C2orf49: variants seen among roughly 807,000 people sequenced by gnomAD.
C2orf49 encodes the protein tRNA-splicing ligase complex subunit ASW.
A neutral mutation model predicts 20.6 loss-of-function variants in C2orf49; 11 were observed. That is an observed-to-expected ratio of 0.53 (90% CI 0.34 to 0.88). The LOEUF is 0.88. Among genes scored for constraint, C2orf49 ranks in the 40% least tolerant of loss-of-function variants. C2orf49 has a pLI of 0.02. For missense variants in C2orf49, 289 were observed against 274.2 expected, an observed-to-expected ratio of 1.05 and a Z score of -0.38; for synonymous variants, 134 against 108.5, an observed-to-expected ratio of 1.24 and a Z score of -1.46.
intron 2 of C2orf49, among the ~76,000 whole-genome samples, chr2:105,340,294 A>C (rs947128593): frequency 1.3e-5 from 2 of 152,224 alleles, no homozygotes; most frequent in Non-Finnish European, 2.9e-5. Context: ...AGAAGGTTTT[A>C]AGCAGAGTGG....
the C2orf49 span, among the ~76,000 whole-genome samples, chr2:105,370,698 A>C: frequency 4.5e-3 from 688 of 152,286 alleles, 7 homozygotes; most frequent in African/African-American, 0.016. Context: ...ACTTTTAAAA[A>C]TCAAACCCAG....
At chr2:105,343,308 G>A (rs1679723396) in intron 3 of C2orf49, 85 bp downstream of exon 3, 1 of 1,365,790 alleles carries the variant, frequency 7.3e-7, no homozygotes, top group Non-Finnish European at 9.9e-7. Context: ...TGGGTCGACT[G>A]TGCTACATTC....
At chr2:105,384,996 C>T in the C2orf49 span, among the ~76,000 whole-genome samples, 5 of 152,322 alleles carry the variant, frequency 3.3e-5, no homozygotes, top group South Asian at 1.0e-3. Context: ...GTGAGACACG[C>T]AGCAGGCAAG....
At chr2:105,372,208 A>T in the C2orf49 span, among the ~76,000 whole-genome samples, 3 of 146,338 alleles carry the variant, frequency 2.1e-5, no homozygotes, top group Admixed American at 1.4e-4. Context: ...TTAAAAAATG[A>T]TTATTCCTTA....
chr2:105,375,890 G>A, the C2orf49 span: 2 of 152,226 alleles, frequency 1.3e-5, no homozygotes, highest in Non-Finnish European at 2.9e-5. Context: ...TCAGAAATCT[G>A]AGGGGAACAT....
the C2orf49 span, chr2:105,363,370 T>A: frequency 6.2e-7 from 1 of 1,614,148 alleles, no homozygotes; most frequent in Non-Finnish European, 8.5e-7. Flanking sequence ...CATCGCGAGC[T>A]GTGAAGCGCT....
the C2orf49 span, among the ~76,000 whole-genome samples, chr2:105,369,884 C>T: frequency 2.2e-4 from 33 of 152,166 alleles, no homozygotes; most frequent in African/African-American, 8.0e-4. Context: ...ATGCACAGGG[C>T]ACCTGGAGCC....
At chr2:105,338,247 A>G (rs1040979833) in intron 1 of C2orf49, among the ~76,000 whole-genome samples, 5 of 152,190 alleles carry the variant, frequency 3.3e-5, no homozygotes, top group Admixed American at 2.0e-4. Context: ...GAGAAAAGTG[A>G]GAAAGGAAAA....
the C2orf49 span, among the ~76,000 whole-genome samples, chr2:105,380,069 A>ATT: frequency 6.6e-6 from 1 of 152,236 alleles, no homozygotes; most frequent in South Asian, 2.1e-4. Flanking sequence ...GCTTCTTAAG[A>ATT]AAGTTCACAA....
At chr2:105,356,221 T>C in the C2orf49 span, among the ~76,000 whole-genome samples, 1 of 152,202 alleles carries the variant, frequency 6.6e-6, no homozygotes, top group Non-Finnish European at 1.5e-5. Context: ...TGAAACCCTG[T>C]CTCTACTAGA....
the C2orf49 span, chr2:105,374,068 G>A: frequency 2.1e-5 from 7 of 334,282 alleles, no homozygotes; most frequent in Admixed American, 1.3e-4. Flanking sequence ...CTATCAATTC[G>A]TCTCACACCA....
At position 105,337,687 on chromosome 2, in the gene C2orf49, G is replaced by A; in HGVS notation, c.99+1G>A. ...GTTCCTTCTCCTCACTCTGGAGCAG[G>A]TTGGGCGCGCCGGATCGGAGGGTGG... On this transcript the variant is annotated splice_donor_variant, in intron 1 of 3. Coordinates refer to ENST00000258457, the MANE Select transcript of C2orf49 (RefSeq NM_024093.3). LOFTEE classifies it high-confidence loss of function. 6.6e-7 allele frequency: 1 copy of A among 1,506,616 alleles called. No homozygotes were observed. Among genetic ancestry groups the A allele is most frequent in the Non-Finnish European group, 9.0e-7 (1 of 1,113,252 alleles). 93.3% of individuals were successfully genotyped at this position (1,506,616 alleles called of 1,614,324 possible). A position where few individuals can be genotyped will look rare whatever the true frequency, so the allele number is the denominator to read the frequency against.
the C2orf49 span, chr2:105,360,174 GC>G: frequency 6.6e-6 from 1 of 151,946 alleles, no homozygotes; most frequent in African/African-American, 2.4e-5. Flanking sequence ...AATGGTGGGT[GC>G]CTGTAATCCC....
the C2orf49 span, chr2:105,373,988 T>C: frequency 5.8e-6 from 3 of 516,118 alleles, no homozygotes; most frequent in African/African-American, 1.9e-5. Context: ...GTGTGAGAGA[T>C]GCTTCTAAAA....
At chr2:105,339,827 T>C (rs1573241284) in intron 2 of C2orf49, 78 bp downstream of exon 2, 4 of 1,266,408 alleles carry the variant, frequency 3.2e-6, no homozygotes, top group Non-Finnish European at 4.2e-6. Context: ...TTTCCTGAGA[T>C]AAACTTAAGT....
At chr2:105,370,343 C>T in the C2orf49 span, among the ~76,000 whole-genome samples, 1 of 151,996 alleles carries the variant, frequency 6.6e-6, no homozygotes, top group East Asian at 1.9e-4. Context: ...CCACTACTCT[C>T]CCGCCTGAGC....
At chr2:105,381,893 C>G in the C2orf49 span, among the ~76,000 whole-genome samples, 1 of 152,204 alleles carries the variant, frequency 6.6e-6, no homozygotes, top group South Asian at 2.1e-4. Context: ...GAAAAGGGTC[C>G]AGAAAGACCA....
chr2:105,370,497 G>A, the C2orf49 span, among the ~76,000 whole-genome samples: 27 of 152,160 alleles, frequency 1.8e-4, no homozygotes, highest in Admixed American at 5.2e-4. Flanking sequence ...ATAGGGGCGC[G>A]AGAGCCGGTA....
the C2orf49 span, among the ~76,000 whole-genome samples, chr2:105,383,738 G>A: frequency 6.6e-6 from 1 of 152,146 alleles, no homozygotes; most frequent in South Asian, 2.1e-4. Flanking sequence ...GAAAAAAACA[G>A]GAACATTTTT....
Sources: allele counts gnomAD v4.1 joint callset (sites outside exome capture counted in the v4.1 genomes callset), GRCh38; gene constraint gnomAD v4.1.1; transcripts MANE v1.5; gene names NCBI Gene and HGNC (gene_info 2026-07-23, HGNC 2026-07-21).